The following ULK4 variants were observed in gnomAD, a reference collection of about 807,000 sequenced individuals.
ULK4 encodes the protein unc-51 like kinase 4, also known as inactive serine/threonine-protein kinase ULK4.
In ULK4, 133 loss-of-function variants were observed where a neutral mutation model predicts 160.6. The observed-to-expected ratio is 0.83, with a 90% confidence interval of 0.72 to 0.96. ULK4 has a LOEUF of 0.96. ULK4 is among the 40% of genes least tolerant of loss of function. ULK4 has a pLI of 0.00. For missense variants in ULK4, 1,580 were observed against 1,499.5 expected, an observed-to-expected ratio of 1.05 and a Z score of -0.89; for synonymous variants, 534 against 539.8, an observed-to-expected ratio of 0.99 and a Z score of 0.15.
rs541241470 is a variant in ULK4, at chr3:41,922,748, A to T, written c.542-2930T>A. On this transcript the variant is annotated intron_variant, in intron 5 of 36. Transcript: ENST00000301831. ...TACAGGAAGCGTCTATGAGAAAAAA[A>T]TGGGAAAATCTGGTCAGATTGCAAT... 9.2e-5 allele frequency among the ~76,000 whole-genome samples: 14 copies of T among 152,306 alleles called. No homozygotes were observed. The East Asian group carries it at 2.7e-3, about 29-fold the overall frequency.
At chr3:41,251,606 C>G (rs1421841959) in intron 35 of ULK4, among the ~76,000 whole-genome samples, 1 of 152,226 alleles carries the variant, frequency 6.6e-6, no homozygotes, top group East Asian at 1.9e-4. Context: ...ATCCCCAAAA[C>G]CCTAGAGAGT....
intron 29 of ULK4, among the ~76,000 whole-genome samples, chr3:41,675,546 C>T (rs186182985): frequency 6.5e-4 from 99 of 151,592 alleles, no homozygotes; most frequent in Non-Finnish European, 1.2e-3. Flanking sequence ...GCCAGGATTG[C>T]ACTACTGCAC....
intron 31 of ULK4, among the ~76,000 whole-genome samples, chr3:41,577,246 A>C (rs1046861324): frequency 6.6e-6 from 1 of 152,230 alleles, no homozygotes; most frequent in African/African-American, 2.4e-5. Context: ...GCCCCAAACC[A>C]GCTGGAAAGC....
At chr3:41,340,497 G>T (rs2080659684) in intron 35 of ULK4, among the ~76,000 whole-genome samples, 1 of 152,150 alleles carries the variant, frequency 6.6e-6, no homozygotes, top group Non-Finnish European at 1.5e-5. Flanking sequence ...ATCTACTCTT[G>T]TCTACTCTGG....
chr3:41,760,730 T>A (rs2038957553), intron 21 of ULK4, among the ~76,000 whole-genome samples: 1 of 152,184 alleles, frequency 6.6e-6, no homozygotes, highest in African/African-American at 2.4e-5. Context: ...TCCCCAAGAT[T>A]TCTCATTATT....
intron 34 of ULK4, among the ~76,000 whole-genome samples, chr3:41,442,249 T>A (rs1333371284): frequency 6.6e-6 from 1 of 152,146 alleles, no homozygotes; most frequent in Non-Finnish European, 1.5e-5. Flanking sequence ...AATATCATTG[T>A]TTGTGCTAAG....
chr3:41,340,903 T>TGG (rs775303678), intron 35 of ULK4, among the ~76,000 whole-genome samples: 9 of 152,288 alleles, frequency 5.9e-5, no homozygotes, highest in African/African-American at 2.2e-4. Flanking sequence ...TGGATGGGGT[T>TGG]GGGGTGGACA....
intron 27 of ULK4, among the ~76,000 whole-genome samples, chr3:41,697,985 T>C (rs2036556191): frequency 6.6e-6 from 1 of 152,202 alleles, no homozygotes; most frequent in South Asian, 2.1e-4. Flanking sequence ...TATACGGTAT[T>C]TTCACCACAT....
chr3:41,411,127 G>T (rs2082400894), intron 34 of ULK4, among the ~76,000 whole-genome samples: 1 of 152,122 alleles, frequency 6.6e-6, no homozygotes, highest in Non-Finnish European at 1.5e-5. Flanking sequence ...GTGAACTAGG[G>T]GTAGAAGGGA....
At chr3:41,565,462 T>C (rs918254299) in intron 32 of ULK4, among the ~76,000 whole-genome samples, 5 of 152,094 alleles carry the variant, frequency 3.3e-5, no homozygotes, top group Non-Finnish European at 5.9e-5. Flanking sequence ...ATTTGAGAGG[T>C]GAGAACTCTG....
Position 41,896,330 on chromosome 3 carries a change from C to T in ULK4, c.1530+492G>A, listed in dbSNP as rs558526590. On this transcript the variant is annotated intron_variant, in intron 15 of 36. Coordinates refer to ENST00000301831, the MANE Select transcript of ULK4 (RefSeq NM_017886.4). ...AGTGCTGTGGTGCGATCTCAGCTCA[C>T]TGCAACCTCTGCCTCCCGGGTTCAA... Among the ~76,000 whole-genome samples the T allele has an allele frequency of 3.3e-5, 5 of 152,242 alleles. No homozygotes were observed. In the South Asian group the frequency reaches 1.0e-3, roughly 32 times the overall value.
intron 32 of ULK4, among the ~76,000 whole-genome samples, chr3:41,474,643 T>G (rs1229270998): frequency 6.6e-6 from 1 of 151,074 alleles, no homozygotes; most frequent in Non-Finnish European, 1.5e-5. Context: ...TATATGGAAC[T>G]CAACAACACT....
In ULK4 at chr3:41,787,366, C is replaced by T. The variant is rs140953183; in HGVS notation, c.2193+2295G>A. On this transcript the variant is annotated intron_variant, in intron 21 of 36. Transcript: ENST00000301831. The stretch of plus-strand genomic sequence containing the variant: ...ATGAGGATCCCTTCCCCTCAGCAGC[C>T]GGGGTAGCATCAGAGGAGTCCTGGT... 1.6e-3 allele frequency among the ~76,000 whole-genome samples: 236 copies of T among 152,250 alleles called. 1 individual carries two copies. The highest frequency in any genetic ancestry group is 2.1e-3 in the Non-Finnish European group (144 of 68,020).
chr3:41,548,636 C>T (rs1397806049), intron 32 of ULK4, among the ~76,000 whole-genome samples: 2 of 152,092 alleles, frequency 1.3e-5, no homozygotes, highest in Non-Finnish European at 2.9e-5. Context: ...ATGCCATGTA[C>T]ACTACCCAGA....
chr3:41,954,596 A>G (rs1368072028), intron 2 of ULK4, 26 bp downstream of exon 2: 9 of 1,601,584 alleles, frequency 5.6e-6, no homozygotes, highest in Admixed American at 1.7e-5. Context: ...CTCTTTCCCC[A>G]TGCCAATGGA....
intron 32 of ULK4, among the ~76,000 whole-genome samples, chr3:41,550,734 A>G (rs2125576842): frequency 6.6e-6 from 1 of 152,144 alleles, no homozygotes; most frequent in East Asian, 1.9e-4. Flanking sequence ...ATCGAGACAG[A>G]AAAATCAACA....
intron 17 of ULK4, chr3:41,854,216 A>G (rs1233169706): frequency 6.6e-6 from 1 of 152,288 alleles, no homozygotes; most frequent in African/African-American, 2.4e-5. Context: ...TGGAAATTGA[A>G]AACACTGGAA....
chr3:41,647,906 GC>G (rs1161115419), intron 30 of ULK4, among the ~76,000 whole-genome samples: 3 of 152,182 alleles, frequency 2.0e-5, no homozygotes, highest in Non-Finnish European at 4.4e-5. Flanking sequence ...AATGGCGGGC[GC>G]CCCTCCCCCA....
intron 27 of ULK4, among the ~76,000 whole-genome samples, chr3:41,694,241 T>C (rs142942457): frequency 6.6e-6 from 1 of 152,302 alleles, no homozygotes; most frequent in Non-Finnish European, 1.5e-5. Flanking sequence ...ATTTCAAATA[T>C]GTATGTGTGT....
Sources: allele counts gnomAD v4.1 joint callset (sites outside exome capture counted in the v4.1 genomes callset), GRCh38; gene constraint gnomAD v4.1.1; transcripts MANE v1.5; gene names NCBI Gene and HGNC (gene_info 2026-07-23, HGNC 2026-07-21).